Variants in TCF12 observed in about 807,000 individuals in gnomAD.
The protein encoded by TCF12 is transcription factor 12.
TCF12 carries 45 observed loss-of-function variants against 86.0 expected under a neutral mutation model. That is an observed-to-expected ratio of 0.52 (90% CI 0.41 to 0.67). The LOEUF is 0.67. Among genes scored for constraint, TCF12 ranks in the 30% least tolerant of loss-of-function variants. The pLI is 0.00. For synonymous variants in TCF12, 330 were observed against 299.6 expected, an observed-to-expected ratio of 1.10 and a Z score of -1.05; for missense variants, 881 against 859.9, an observed-to-expected ratio of 1.02 and a Z score of -0.31.
rs1481817399 is a variant in TCF12 at position 57,253,320 on chromosome 15, A to G, written c.1319A>G (p.Asn440Ser). The change falls in exon 16 of 21, where the codon AAC (asparagine) becomes AGC (serine). Residue 440 changes from asparagine to serine, a missense_variant. Coordinates refer to ENST00000333725, the MANE Select transcript of TCF12 (RefSeq NM_207037.2). The stretch of plus-strand genomic sequence containing the variant: ...GATGATGCAATCCATGTGCTGCGGA[A>G]CCATGCTGTGGGACCTTCCACCAGT... ...RLDDAIHVLR[N>S]HAVGPSTSLP... is the part of the protein sequence containing the mutation. 1.2e-6 allele frequency: 2 copies of G among 1,613,980 alleles called. No individual in the cohort carries two copies. The highest frequency in any genetic ancestry group is 1.7e-6 in the Non-Finnish European group (2 of 1,179,988).
intron 3 of TCF12, among the ~76,000 whole-genome samples, chr15:56,924,947 C>T (rs1310637551): frequency 1.3e-5 from 2 of 152,050 alleles, no homozygotes; most frequent in Non-Finnish European, 2.9e-5. Flanking sequence ...GCCTGTAATC[C>T]CAGCACTTTG....
At chr15:57,141,021 T>A (rs533995152) in intron 5 of TCF12, among the ~76,000 whole-genome samples, 3 of 152,140 alleles carry the variant, frequency 2.0e-5, no homozygotes, top group South Asian at 4.1e-4. Context: ...ATGTGTTTTT[T>A]AAAAAAATCA....
chr15:56,982,605 T>C (rs774296993), intron 3 of TCF12, among the ~76,000 whole-genome samples: 17 of 152,192 alleles, frequency 1.1e-4, no homozygotes, highest in Non-Finnish European at 2.2e-4. Context: ...AACAACATAT[T>C]GTTACATTTT....
At chr15:57,064,023 A>G (rs549820618) in intron 4 of TCF12, among the ~76,000 whole-genome samples, 200 bp downstream of exon 4, 20 of 152,214 alleles carry the variant, frequency 1.3e-4, no homozygotes, top group African/African-American at 2.4e-4. Flanking sequence ...ACAGTTAAAT[A>G]TTCTTGGTGT....
intron 3 of TCF12, among the ~76,000 whole-genome samples, chr15:56,946,756 C>G (rs2061015468): frequency 6.7e-6 from 1 of 148,856 alleles, no homozygotes; most frequent in African/African-American, 2.5e-5. Context: ...CTCAGACACT[C>G]CAAGAGTTGT....
At chr15:57,104,435 C>CT (rs71113062) in intron 5 of TCF12, among the ~76,000 whole-genome samples, 24,064 of 99,364 alleles carry the variant, frequency 0.24, 3,218 homozygotes, top group Non-Finnish European at 0.35. Context: ...TTTTTTTTTT[C>CT]TTTTTTTTTT....
chr15:57,072,933 A>G (rs1267241787), intron 4 of TCF12, among the ~76,000 whole-genome samples: 42 of 152,190 alleles, frequency 2.8e-4, no homozygotes, highest in Non-Finnish European at 1.5e-5. Context: ...ATGTTTTTGG[A>G]TAAGAAAAAA....
intron 8 of TCF12, among the ~76,000 whole-genome samples, chr15:57,230,585 G>C (rs566205014): frequency 6.6e-6 from 1 of 152,182 alleles, no homozygotes; most frequent in African/African-American, 2.4e-5. Context: ...AGACTTGAAA[G>C]TGTACTGGAA....
In TCF12 at chr15:57,207,840, G is replaced by T. The variant is rs139394346; in HGVS notation, c.579+10015G>T. Among the ~76,000 whole-genome samples the T allele has an allele frequency of 4.0e-3, 602 of 151,944 alleles. 3 individuals are homozygous for T. The highest frequency in any genetic ancestry group is 0.014 in the African/African-American group (577 of 41,436). Reference sequence around the variant, plus strand: ...AGATATTTTAAAATTTCAAAAATCAGTAACTTAAATGAGATTTAGAAAACT... The same window carrying T: ...AGATATTTTAAAATTTCAAAAATCATTAACTTAAATGAGATTTAGAAAACT... On this transcript the variant is annotated intron_variant, in intron 8 of 20. Transcript: ENST00000333725.
At chr15:57,093,868 G>A (rs1301897607) in intron 5 of TCF12, among the ~76,000 whole-genome samples, 2 of 152,164 alleles carry the variant, frequency 1.3e-5, no homozygotes, top group Admixed American at 6.5e-5. Context: ...TGTGAACTAC[G>A]TTGTTTAGGT....
intron 5 of TCF12, among the ~76,000 whole-genome samples, chr15:57,154,006 A>G (rs1449521256): frequency 2.6e-5 from 4 of 152,076 alleles, no homozygotes; most frequent in Non-Finnish European, 4.4e-5. Flanking sequence ...TTAAAAAAAA[A>G]AAAAGAAAAG....
In TCF12 at chr15:57,197,899, G is replaced by A. The variant is rs547041859; in HGVS notation, c.579+74G>A. On this transcript the variant is annotated intron_variant, in intron 8 of 20. Coordinates refer to ENST00000333725, the MANE Select transcript of TCF12 (RefSeq NM_207037.2). Reference sequence around the variant, plus strand: ...GTGTTCCGTATTACCTTGCTACAAGGGTACATTCGATTGATGCGAGTGGGC... The same window carrying A: ...GTGTTCCGTATTACCTTGCTACAAGAGTACATTCGATTGATGCGAGTGGGC... 62 of 1,482,720 alleles carry A rather than the reference G, an allele frequency of 4.2e-5. No individual in the cohort carries two copies. In the South Asian group the frequency reaches 6.4e-4, roughly 15 times the overall value. 91.8% of individuals were successfully genotyped at this position (1,482,720 alleles called of 1,614,324 possible).
intron 3 of TCF12, among the ~76,000 whole-genome samples, chr15:56,968,248 C>T (rs543154309): frequency 4.6e-5 from 7 of 152,210 alleles, no homozygotes; most frequent in South Asian, 4.2e-4. Flanking sequence ...TGAGCCACTG[C>T]GCGCAGTCAA....
chr15:57,165,154 G>GTGTGTGTA (rs1176561670), intron 5 of TCF12, among the ~76,000 whole-genome samples: 2 of 150,056 alleles, frequency 1.3e-5, no homozygotes, highest in Non-Finnish European at 3.0e-5. Flanking sequence ...GTGTGTGTGT[G>GTGTGTGTA]TGTGTGTGTG....
chr15:57,131,673 A>G (rs545499898), intron 5 of TCF12, among the ~76,000 whole-genome samples: 190 of 152,304 alleles, frequency 1.2e-3, no homozygotes, highest in African/African-American at 4.4e-3. Flanking sequence ...TCATCCCTAC[A>G]TGATACTCTG....
At chr15:57,173,864 C>T (rs1296447204) in intron 6 of TCF12, among the ~76,000 whole-genome samples, 15 of 151,868 alleles carry the variant, frequency 9.9e-5, no homozygotes, top group Admixed American at 3.3e-4. Flanking sequence ...CCCGCCACCA[C>T]GCCTGGCTAA....
chr15:57,142,304 T>TATAGATAGATAAATAGATAG (rs2053029559), intron 5 of TCF12, among the ~76,000 whole-genome samples: 1 of 149,612 alleles, frequency 6.7e-6, no homozygotes, highest in African/African-American at 2.5e-5. Context: ...CTCACACTTT[T>TATAGATAGATAAATAGATAG]ATAGATAGAT....
At chr15:57,153,114 G>A (rs939417404) in intron 5 of TCF12, among the ~76,000 whole-genome samples, 1 of 152,092 alleles carries the variant, frequency 6.6e-6, no homozygotes, top group Non-Finnish European at 1.5e-5. Flanking sequence ...TAAAAAAGAG[G>A]ATAAAGACTT....
At chr15:57,209,818 C>T (rs1039930895) in intron 8 of TCF12, among the ~76,000 whole-genome samples, 4 of 152,164 alleles carry the variant, frequency 2.6e-5, no homozygotes, top group Admixed American at 6.6e-5. Flanking sequence ...TCATCTTCTA[C>T]CACTCTGCCC....
Sources: allele counts gnomAD v4.1 joint callset (sites outside exome capture counted in the v4.1 genomes callset), GRCh38; gene constraint gnomAD v4.1.1; transcripts MANE v1.5; gene names NCBI Gene and HGNC (gene_info 2026-07-23, HGNC 2026-07-21).